BUB3: variants seen among roughly 807,000 people sequenced by gnomAD.
BUB3 encodes mitotic checkpoint protein BUB3.
In BUB3, 22 loss-of-function variants were observed where a neutral mutation model predicts 39.9. That is an observed-to-expected ratio of 0.55 (90% CI 0.39 to 0.79). The LOEUF is 0.79. Among genes scored for constraint, BUB3 ranks in the 30% least tolerant of loss-of-function variants. BUB3 has a pLI of 0.00. For synonymous variants in BUB3, 168 were observed against 155.1 expected, an observed-to-expected ratio of 1.08 and a Z score of -0.62; for missense variants, 303 against 415.4, an observed-to-expected ratio of 0.73 and a Z score of 2.35.
At position 123,154,912 on chromosome 10, in the gene BUB3, C is replaced by G. The variant is rs745690662; in HGVS notation, c.1-6C>G. ...CCCCTGGGGACTCTGGGCGCCTGTT[C>G]TGCAGATGACCGGTTCTAACGAGTT... On this transcript the variant is annotated splice_polypyrimidine_tract_variant and splice_region_variant and intron_variant, in intron 1 of 7. Coordinates refer to ENST00000368865, the MANE Select transcript of BUB3 (RefSeq NM_004725.4). 5.0e-6 allele frequency: 8 copies of G among 1,611,058 alleles called. No individual in the cohort carries two copies. Among genetic ancestry groups the G allele is most frequent in the South Asian group, 2.2e-5 (2 of 90,720 alleles).
chr10:123,160,636 C>A (rs950761559), intron 5 of BUB3, 71 bp downstream of exon 5: 7 of 1,330,014 alleles, frequency 5.3e-6, no homozygotes, highest in Non-Finnish European at 6.9e-6. Flanking sequence ...ATGATTTGGC[C>A]ACTAGCCCCT....
rs1193944409 is a variant in BUB3 at position 123,170,148 on chromosome 10, ATATT to A, written c.*6317_*6320del. 2 of 152,208 alleles carry A rather than the reference ATATT, an allele frequency of 1.3e-5. No individual in the cohort carries two copies. Among genetic ancestry groups the A allele is most frequent in the Non-Finnish European group, 1.5e-5 (1 of 68,026 alleles). The allele number at this position is 152,208 out of a possible 1,614,324, so 9.4% of individuals were successfully genotyped here. A position where few individuals can be genotyped will look rare whatever the true frequency, so the allele number is the denominator to read the frequency against. ...ATGGAGTTAGGAACAAGTATGTTAA[ATATT>A]TATCAGAGTGTGCCTGACAGTGAGT... On this transcript the variant is annotated 3_prime_UTR_variant, in exon 8 of 8. Transcript: ENST00000368865.
chr10:123,169,176 G>A lies in BUB3; in HGVS notation c.*5341G>A, dbSNP rs991803208. 2 of 152,268 alleles carry A rather than the reference G, an allele frequency of 1.3e-5. No homozygotes were observed. The highest frequency in any genetic ancestry group is 4.8e-5 in the African/African-American group (2 of 41,468). 9.4% of individuals were successfully genotyped at this position (152,268 alleles called of 1,614,324 possible). A position where few individuals can be genotyped will look rare whatever the true frequency, so the allele number is the denominator to read the frequency against. ...ATCGGCTGTTCCAGAGCGAGAGGCT[G>A]CAGGTGTCCACTTACGTACCTGTGG... On this transcript the variant is annotated 3_prime_UTR_variant, in exon 8 of 8. Coordinates refer to ENST00000368865, the MANE Select transcript of BUB3 (RefSeq NM_004725.4).
intron 4 of BUB3, among the ~76,000 whole-genome samples, chr10:123,159,850 T>C (rs943527963): frequency 6.6e-6 from 1 of 152,184 alleles, no homozygotes; most frequent in Non-Finnish European, 1.5e-5. Context: ...ATCTAATTAG[T>C]GGTGGCTCCC....
intron 3 of BUB3, 100 bp from the exon 4 acceptor site, chr10:123,157,629 C>T (rs1009066750): frequency 2.2e-6 from 3 of 1,353,052 alleles, no homozygotes; most frequent in African/African-American, 3.0e-5. Flanking sequence ...AAATTCATTA[C>T]AGTTGAATGA....
rs1031494569 is a variant in BUB3, at chr10:123,166,443, A to T, written c.*2608A>T. On this transcript the variant is annotated 3_prime_UTR_variant, in exon 8 of 8. Coordinates refer to ENST00000368865, the MANE Select transcript of BUB3 (RefSeq NM_004725.4). ...GACTTGCCCTTCTTGCATGCGATGT[A>T]TCTGGTGCATGTGTGCATTTTTTTC... 2.0e-5 allele frequency: 3 copies of T among 152,192 alleles called. No homozygotes were observed. The South Asian group carries it at 6.2e-4, about 32-fold the overall frequency. 9.4% of individuals were successfully genotyped at this position (152,192 alleles called of 1,614,324 possible). A position where few individuals can be genotyped will look rare whatever the true frequency, so the allele number is the denominator to read the frequency against.
chr10:123,164,894 A>G lies in BUB3; in HGVS notation c.*1059A>G. 1.4e-6 allele frequency: 2 copies of G among 1,409,262 alleles called. No individual in the cohort carries two copies. Among genetic ancestry groups the G allele is most frequent in the East Asian group, 2.5e-5 (1 of 39,548 alleles). The allele number at this position is 1,409,262 out of a possible 1,614,324, so 87.3% of individuals were successfully genotyped here. ...AATTTGCAAATGTATGTCTCTGAGT[A>G]GGACTTGGACCTTTCCTGAGATTTA... On this transcript the variant is annotated 3_prime_UTR_variant, in exon 8 of 8. Transcript: ENST00000368865.
chr10:123,159,470 C>T (rs997354014), intron 4 of BUB3, among the ~76,000 whole-genome samples: 4 of 152,146 alleles, frequency 2.6e-5, no homozygotes, highest in Non-Finnish European at 5.9e-5. Context: ...AGTTGTGAAT[C>T]GCAAGTCTAG....
rs989563921 is a variant in BUB3 at position 123,167,271 on chromosome 10, A to G, written c.*3436A>G. Reference sequence around the variant, plus strand: ...CCCAAATCTCAGTCTGCCCAGGGTCATTCTCTTTCTGAATTGCTCTTTCAG... The same window carrying G: ...CCCAAATCTCAGTCTGCCCAGGGTCGTTCTCTTTCTGAATTGCTCTTTCAG... On this transcript the variant is annotated 3_prime_UTR_variant, in exon 8 of 8. Coordinates refer to ENST00000368865, the MANE Select transcript of BUB3 (RefSeq NM_004725.4). 6.6e-6 allele frequency: 1 copy of G among 152,178 alleles called. No homozygotes were observed. The highest frequency in any genetic ancestry group is 1.5e-5 in the Non-Finnish European group (1 of 68,042). 9.4% of individuals were successfully genotyped at this position (152,178 alleles called of 1,614,324 possible).
chr10:123,160,642 C>T (rs769246880), intron 5 of BUB3, 77 bp downstream of exon 5: 2 of 1,271,586 alleles, frequency 1.6e-6, no homozygotes, highest in Non-Finnish European at 1.0e-6. Flanking sequence ...TGGCCACTAG[C>T]CCCTAAAGCC....
In BUB3 at chr10:123,168,654, A is replaced by G. The variant is rs1235991987; in HGVS notation, c.*4819A>G. On this transcript the variant is annotated 3_prime_UTR_variant, in exon 8 of 8. Coordinates refer to ENST00000368865, the MANE Select transcript of BUB3 (RefSeq NM_004725.4). ...AAGCTCCGCCTCTCGGGTTCAAGCA[A>G]TTCTCCTGCCTCAGCCACCCGAGTA... The G allele has an allele frequency of 6.6e-6, 1 of 152,250 alleles. No individual in the cohort carries two copies. 9.4% of individuals were successfully genotyped at this position (152,250 alleles called of 1,614,324 possible).
rs770812400 is a variant in BUB3 at position 123,162,686 on chromosome 10, A to G, written c.829A>G (p.Thr277Ala). The change falls in exon 7 of 8, where the codon ACG becomes GCG. Residue 277 changes from threonine (T) to alanine (A), a missense_variant. By Grantham distance (58) the Thr-to-Ala change is moderately conservative. This residue lies in a region of BUB3 where 182 missense variants were observed against 293.1 expected (regional missense o/e 0.62). Transcript: ENST00000368865. ...ACTGTGCCAATTCCATCGGTACCCCACGAGCATCGCATCACTTGCCTTCAG... is the reference window on the plus strand; with the variant it reads ...ACTGTGCCAATTCCATCGGTACCCCGCGAGCATCGCATCACTTGCCTTCAG... ...KRLCQFHRYP[T>A]SIASLAFSND... 3 of 1,610,754 alleles carry G rather than the reference A, an allele frequency of 1.9e-6. No homozygotes were observed. The South Asian group carries it at 3.3e-5, about 18-fold the overall frequency.
chr10:123,162,301 A>G lies in BUB3; in HGVS notation c.642A>G (p.Val214=), dbSNP rs764467982. The G allele has an allele frequency of 3.7e-6, 6 of 1,614,050 alleles. No individual in the cohort carries two copies. The highest frequency in any genetic ancestry group is 1.7e-6 in the Non-Finnish European group (2 of 1,180,016). Reference sequence around the variant, plus strand: ...AGTATTTGGACCCAAGCCCTGAGGTACAGAAGAAGAAGTATGCCTTCAAAT... The same window carrying G: ...AGTATTTGGACCCAAGCCCTGAGGTGCAGAAGAAGAAGTATGCCTTCAAAT... ...AVEYLDPSPE[V]QKKKYAFKCH... The change falls in exon 6 of 8, where the codon GTA becomes GTG. Residue 214 remains valine (V), a synonymous_variant. Coordinates refer to ENST00000368865, the MANE Select transcript of BUB3 (RefSeq NM_004725.4).
chr10:123,164,454 C>G lies in BUB3; in HGVS notation c.*619C>G, dbSNP rs546078340. ...GAAGGAAAACTAATAAGAAAACCTC[C>G]TAATATCATTTTGTGACTGTAAACA... On this transcript the variant is annotated 3_prime_UTR_variant, in exon 8 of 8. Transcript: ENST00000368865. The G allele has an allele frequency of 2.0e-6, 2 of 985,572 alleles. No homozygotes were observed. The highest frequency in any genetic ancestry group is 2.4e-6 in the Non-Finnish European group (2 of 830,074). 61.1% of individuals were successfully genotyped at this position (985,572 alleles called of 1,614,324 possible).
chr10:123,163,435 G>C (rs1844450012), intron 7 of BUB3, among the ~76,000 whole-genome samples: 1 of 152,194 alleles, frequency 6.6e-6, no homozygotes, highest in Non-Finnish European at 1.5e-5. Context: ...CAGGCTTTAA[G>C]GGAAATCTGA....
rs1480946047 is a variant in BUB3 at position 123,160,542 on chromosome 10, A to G, written c.553A>G (p.Ile185Val). ...CAGCCTGAAATACCAGACTCGCTGC[A>G]TACGAGCGTTTCCAAACAAGCAGGT... ...ESSLKYQTRC[I>V]RAFPNKQGYV... The change falls in exon 5 of 8, where the codon ATA becomes GTA. Residue 185 changes from isoleucine to valine, a missense_variant. Coordinates refer to ENST00000368865, the MANE Select transcript of BUB3 (RefSeq NM_004725.4). 4.4e-6 allele frequency: 7 copies of G among 1,602,810 alleles called. No homozygotes were observed. The highest frequency in any genetic ancestry group is 1.8e-5 in the Admixed American group (1 of 56,542).
At chr10:123,159,744 A>G (rs992122521) in intron 4 of BUB3, among the ~76,000 whole-genome samples, 2 of 152,236 alleles carry the variant, frequency 1.3e-5, no homozygotes, top group Non-Finnish European at 2.9e-5. Flanking sequence ...TTGAATGCAT[A>G]GTATTACATC....
Position 123,154,951 on chromosome 10 carries a change from C to T in BUB3, c.34C>T (p.Pro12Ser). 6.2e-7 allele frequency: 1 copy of T among 1,614,066 alleles called. No homozygotes were observed. The highest frequency in any genetic ancestry group is 1.1e-5 in the South Asian group (1 of 91,080). The change falls in exon 2 of 8, where the codon CCA (proline) becomes TCA (serine). Residue 12 changes from proline to serine, a missense_variant. Pro to Ser is a moderately conservative substitution (Grantham distance 74). Around this residue, in one of 2 missense-constraint regions of BUB3, gnomAD observed 121 missense variants for 122.3 expected, o/e 0.99. Transcript: ENST00000368865. ...TTCTAACGAGTTCAAGCTGAACCAG[C>T]CACCCGAGGATGGCATCTCCTCCGT... ...TGSNEFKLNQ[P>S]PEDGISSVKF...
At position 123,154,882 on chromosome 10, in the gene BUB3, C is replaced by CG. The variant is rs1564781041; in HGVS notation, c.1-33dup. On this transcript the variant is annotated intron_variant, in intron 1 of 7. Coordinates refer to ENST00000368865, the MANE Select transcript of BUB3 (RefSeq NM_004725.4). Reference sequence around the variant, plus strand: ...GCTGTCAGTGCGCAGCCCCAGCCCGCGGGACCCCTGGGGACTCTGGGCGCC... The same window carrying CG: ...GCTGTCAGTGCGCAGCCCCAGCCCGCGGGGACCCCTGGGGACTCTGGGCGCC... 1.9e-6 allele frequency: 3 copies of CG among 1,579,930 alleles called. No homozygotes were observed. The South Asian group carries it at 3.5e-5, about 18-fold the overall frequency.
Sources: allele counts gnomAD v4.1 joint callset (sites outside exome capture counted in the v4.1 genomes callset), GRCh38; gene constraint gnomAD v4.1.1; regional missense constraint gnomAD v4.1.1; transcripts MANE v1.5; gene names NCBI Gene and HGNC (gene_info 2026-07-23, HGNC 2026-07-21).